Variants in ZNF143 observed in about 807,000 individuals in gnomAD.
ZNF143 encodes the protein zinc finger protein 143.
A neutral mutation model predicts 74.1 loss-of-function variants in ZNF143; 49 were observed. The ratio of observed to expected loss-of-function variants is 0.66; its 90% confidence interval spans 0.53 to 0.84. The LOEUF (loss-of-function observed/expected upper bound fraction) is 0.84. Ranked by LOEUF, ZNF143 falls within the 40% of genes least tolerant of loss-of-function variation. ZNF143 has a pLI of 0.00. For synonymous variants in ZNF143, 304 were observed against 282.8 expected (o/e 1.07, Z -0.75); for missense variants, 637 against 793.4 (o/e 0.80, Z 2.37).
intron 14 of ZNF143, among the ~76,000 whole-genome samples, chr11:9,521,075 C>T (rs538253122): frequency 2.6e-5 from 4 of 152,274 alleles, no homozygotes; most frequent in African/African-American, 9.6e-5. Flanking sequence ...CCCACACATA[C>T]ATAGCCTCCT....
chr11:9,512,145 G>A (rs909305356), intron 12 of ZNF143, among the ~76,000 whole-genome samples: 3 of 152,018 alleles, frequency 2.0e-5, no homozygotes, highest in African/African-American at 4.8e-5. Context: ...TCCCCTCTCC[G>A]CCCCTAATAC....
At chr11:9,493,344 A>T (rs949843484) in intron 7 of ZNF143, among the ~76,000 whole-genome samples, 1 of 152,126 alleles carries the variant, frequency 6.6e-6, no homozygotes, top group African/African-American at 2.4e-5. Context: ...TTCTGGGATT[A>T]CAGGTGTGAG....
At chr11:9,475,910 A>ATATGTGTGTGTGTG (rs370474107) in intron 5 of ZNF143, among the ~76,000 whole-genome samples, 79 of 137,370 alleles carry the variant, frequency 5.8e-4, no homozygotes, top group African/African-American at 1.9e-3. Context: ...AAAAATATAT[A>ATATGTGTGTGTGTG]TGTGTGTGTG....
chr11:9,503,772 C>T (rs1362749534), intron 11 of ZNF143, among the ~76,000 whole-genome samples: 1 of 151,748 alleles, frequency 6.6e-6, no homozygotes, highest in Non-Finnish European at 1.5e-5. Flanking sequence ...CTGTTTCAGC[C>T]TCCTGAGTAG....
At chr11:9,517,820 A>G (rs1182654920) in intron 14 of ZNF143, among the ~76,000 whole-genome samples, 1 of 152,210 alleles carries the variant, frequency 6.6e-6, no homozygotes, top group Non-Finnish European at 1.5e-5. Context: ...TACTTCTGCA[A>G]CCTTAAAGAT....
chr11:9,486,434 T>A (rs1565039404), intron 7 of ZNF143, among the ~76,000 whole-genome samples: 1 of 47,062 alleles, frequency 2.1e-5, no homozygotes, highest in South Asian at 4.9e-4. Context: ...ATATATTATA[T>A]ATATAATATA....
Position 9,471,337 on chromosome 11 carries a change from C to G in ZNF143, c.29C>G (p.Ser10Cys). Residue 10 changes from serine to cysteine, a missense_variant, in exon 2 of 16, where the codon TCT becomes TGT. Ser to Cys is a moderately radical substitution (Grantham distance 112). Transcript: ENST00000396602. ...TTGTTAGCCCAAATAAATCGAGATT[C>G]TCAGGGAATGACAGAGTTTCCTGGA... is the stretch of plus-strand genomic sequence containing the variant. MLLAQINRD[S>C]QGMTEFPGGG... The G allele has an allele frequency of 6.2e-7, 1 of 1,612,230 alleles. No individual in the cohort carries two copies. Among genetic ancestry groups the G allele is most frequent in the Non-Finnish European group, 8.5e-7 (1 of 1,179,384 alleles).
chr11:9,477,416 AG>A (rs1445003615), intron 5 of ZNF143, among the ~76,000 whole-genome samples: 1 of 151,550 alleles, frequency 6.6e-6, no homozygotes, highest in Non-Finnish European at 1.5e-5. Context: ...CACCATGCCC[AG>A]CTATTTTTTT....
chr11:9,485,977 C>A (rs1471218327), intron 7 of ZNF143, among the ~76,000 whole-genome samples: 4 of 151,194 alleles, frequency 2.6e-5, no homozygotes, highest in Admixed American at 1.3e-4. Context: ...AGTTAGGTTC[C>A]ACTGGACTAC....
At chr11:9,517,459 G>A (rs2134218228) in intron 14 of ZNF143, among the ~76,000 whole-genome samples, 1 of 152,200 alleles carries the variant, frequency 6.6e-6, no homozygotes, top group Non-Finnish European at 1.5e-5. Flanking sequence ...AGGATTGCTG[G>A]TGCAAAGATA....
chr11:9,481,717 A>G (rs1259355461), intron 7 of ZNF143, among the ~76,000 whole-genome samples: 1 of 151,698 alleles, frequency 6.6e-6, no homozygotes, highest in East Asian at 2.0e-4. Context: ...GCAAAACCCC[A>G]TCTCTACTAA....
intron 7 of ZNF143, among the ~76,000 whole-genome samples, chr11:9,488,651 C>A (rs1847653931): frequency 6.6e-6 from 1 of 152,106 alleles, no homozygotes; most frequent in Non-Finnish European, 1.5e-5. Context: ...TTATTATATT[C>A]TATTATAATC....
intron 5 of ZNF143, 92 bp downstream of exon 5, chr11:9,474,725 T>C (rs1856780112): frequency 8.1e-7 from 1 of 1,241,270 alleles, no homozygotes; most frequent in South Asian, 1.3e-5. Flanking sequence ...ATTGTTGTCA[T>C]GGGAAAGAAT....
chr11:9,466,888 T>TTGTGTG (rs537245554), intron 1 of ZNF143, among the ~76,000 whole-genome samples: 1 of 151,404 alleles, frequency 6.6e-6, no homozygotes, highest in East Asian at 1.9e-4. Flanking sequence ...TGGTTTTTTT[T>TTGTGTG]TGTGTGTGTG....
intron 15 of ZNF143, 71 bp downstream of exon 15, chr11:9,525,457 C>T (rs1324634402): frequency 6.3e-7 from 1 of 1,588,932 alleles, no homozygotes; most frequent in South Asian, 1.1e-5. Context: ...GTACACTGTG[C>T]TTCGTGTATA....
At chr11:9,511,813 G>A (rs1209068404) in intron 12 of ZNF143, among the ~76,000 whole-genome samples, 11 of 145,726 alleles carry the variant, frequency 7.5e-5, no homozygotes, top group Non-Finnish European at 1.0e-4. Flanking sequence ...CTGCAGTGGC[G>A]TGATCTCGGC....
chr11:9,472,805 A>G, intron 3 of ZNF143, 36 bp downstream of exon 3: 1 of 1,472,450 alleles, frequency 6.8e-7, no homozygotes. Flanking sequence ...GGTTAATACC[A>G]GTGATTTATA....
At chr11:9,472,231 T>G (rs1343345857) in intron 2 of ZNF143, among the ~76,000 whole-genome samples, 1 of 151,836 alleles carries the variant, frequency 6.6e-6, no homozygotes, top group Non-Finnish European at 1.5e-5. Context: ...TCCCAGCCTG[T>G]TTTTGGTAAG....
At chr11:9,470,259 A>T (rs1242086301) in intron 1 of ZNF143, among the ~76,000 whole-genome samples, 1 of 152,214 alleles carries the variant, frequency 6.6e-6, no homozygotes, top group African/African-American at 2.4e-5. Flanking sequence ...TGGGCCAAGC[A>T]CTTTCTAGGC....
Sources: allele counts gnomAD v4.1 joint callset (sites outside exome capture counted in the v4.1 genomes callset), GRCh38; gene constraint gnomAD v4.1.1; transcripts MANE v1.5; gene names NCBI Gene and HGNC (gene_info 2026-07-23, HGNC 2026-07-21).